Variants in CKAP5 observed in about 807,000 individuals in gnomAD.
CKAP5 encodes the protein cytoskeleton-associated protein 5.
Under a neutral mutation model 232.8 loss-of-function variants are expected in CKAP5, and 27 were observed. That is an observed-to-expected ratio of 0.12 (90% CI 0.09 to 0.16). The LOEUF is 0.16. Ranked by LOEUF, CKAP5 falls within the 10% of genes least tolerant of loss-of-function variation. The pLI, the probability that CKAP5 is intolerant of heterozygous loss-of-function variation, is 1.00. For synonymous variants in CKAP5, 785 were observed against 841.1 expected (o/e 0.93, Z 1.16); for missense variants, 1,838 against 2,424.7 (o/e 0.76, Z 5.08).
chr11:46,766,231 A>G (rs2065201630), intron 27 of CKAP5, among the ~76,000 whole-genome samples: 1 of 152,230 alleles, frequency 6.6e-6, no homozygotes, highest in Non-Finnish European at 1.5e-5. Flanking sequence ...ATTCAGACCA[A>G]ACAAATATGA....
At chr11:46,821,674 C>G (rs921312216) in intron 1 of CKAP5, among the ~76,000 whole-genome samples, 1 of 152,000 alleles carries the variant, frequency 6.6e-6, no homozygotes, top group Non-Finnish European at 1.5e-5. Context: ...CCACCCGCCT[C>G]GGCCTCCCAA....
rs560718952 is a variant in CKAP5, at chr11:46,752,290, T to C, written c.5133+345A>G. ...TATACATATATAATACATATATACA[T>C]ATATATAATACACATATATATAAAA... On this transcript the variant is annotated intron_variant, in intron 38 of 43. Coordinates refer to ENST00000529230, the MANE Select transcript of CKAP5 (RefSeq NM_001008938.4). Among the ~76,000 whole-genome samples, 3 of 146,738 alleles carry C rather than the reference T, an allele frequency of 2.0e-5. No individual in the cohort carries two copies. In the South Asian group the frequency reaches 6.4e-4, roughly 31 times the overall value.
At position 46,763,583 on chromosome 11, in the gene CKAP5, T is replaced by C. The variant is rs749537927; in HGVS notation, c.3585A>G (p.Gln1195=). 2.4e-5 allele frequency: 39 copies of C among 1,597,332 alleles called. No individual in the cohort carries two copies. Among genetic ancestry groups the C allele is most frequent in the African/African-American group, 1.4e-5 (1 of 73,986 alleles). The part of the protein sequence containing the change: ...FTTPRDEYIE[Q]LKTQMSSCVA... ...CACAGCTAGACATTTGAGTCTTTAG[T>C]TGCTCAATGTATTCATCCCGTGGGG... The change falls in exon 29 of 44, where the codon CAA becomes CAG. Residue 1195 remains glutamine, a synonymous_variant. Transcript: ENST00000529230.
intron 13 of CKAP5, among the ~76,000 whole-genome samples, chr11:46,792,552 C>CAAA (rs111528292): frequency 2.7e-5 from 4 of 147,578 alleles, no homozygotes; most frequent in Non-Finnish European, 3.0e-5. Context: ...GACTCTGTCT[C>CAAA]AAAAAAAAAC....
At chr11:46,758,767 T>C (rs2065131184) in intron 35 of CKAP5, 156 bp downstream of exon 35, 1 of 757,640 alleles carries the variant, frequency 1.3e-6, no homozygotes. Flanking sequence ...CTGAGGCAAG[T>C]GATGACTGAG....
At position 46,765,111 on chromosome 11, in the gene CKAP5, G is replaced by T; in HGVS notation, c.3537+20C>A. ...ACAATACAAGCAAAAATCTCCTGAC[G>T]ATTCTTAATCCTTCCTTACCTTCAA... On this transcript the variant is annotated intron_variant, in intron 28 of 43. Transcript: ENST00000529230. 6.3e-7 allele frequency: 1 copy of T among 1,596,094 alleles called. No individual in the cohort carries two copies. The highest frequency in any genetic ancestry group is 1.4e-5 in the African/African-American group (1 of 74,026).
At position 46,754,630 on chromosome 11, in the gene CKAP5, C is replaced by G. The variant is rs78273238; in HGVS notation, c.4869+258G>C. Among the ~76,000 whole-genome samples the G allele has an allele frequency of 6.6e-3, 1,003 of 152,296 alleles. 10 individuals carry two copies. Among genetic ancestry groups the G allele is most frequent in the African/African-American group, 0.023 (971 of 41,566 alleles). ...TTATCTGTGGAAAGGCAGCTATGGC[C>G]TACCATGCCTGATGAAGAAACTGGC... On this transcript the variant is annotated intron_variant, in intron 36 of 43. Transcript: ENST00000529230.
At chr11:46,752,193 TACACACACACAC>T (rs1156472710) in intron 38 of CKAP5, among the ~76,000 whole-genome samples, 1 of 66,572 alleles carries the variant, frequency 1.5e-5, no homozygotes, top group African/African-American at 5.1e-5. Flanking sequence ...TATATATATA[TACACACACACAC>T]ACACACACAC....
intron 1 of CKAP5, among the ~76,000 whole-genome samples, chr11:46,844,379 C>T (rs569196771): frequency 1.0e-3 from 153 of 152,230 alleles, no homozygotes; most frequent in African/African-American, 3.6e-3. Flanking sequence ...CATCTGTATG[C>T]TTTGTAGCAT....
intron 24 of CKAP5, among the ~76,000 whole-genome samples, chr11:46,773,491 C>T (rs924043707): frequency 6.6e-6 from 1 of 151,442 alleles, no homozygotes; most frequent in Non-Finnish European, 1.5e-5. Context: ...TCAGGTGATC[C>T]ACCCACCGTG....
At chr11:46,780,589 T>A in intron 18 of CKAP5, 104 bp from the exon 19 acceptor site, 1 of 796,258 alleles carries the variant, frequency 1.3e-6, no homozygotes, top group Non-Finnish European at 2.1e-6. Context: ...TTGGCAAAGT[T>A]CTCACTTTTT....
At chr11:46,802,557 GAC>G (rs1254439046) in intron 8 of CKAP5, among the ~76,000 whole-genome samples, 4 of 147,448 alleles carry the variant, frequency 2.7e-5, no homozygotes, top group African/African-American at 5.0e-5. Context: ...CAGACAGACA[GAC>G]ACACACACAC....
chr11:46,800,085 CAATAT>C (rs1029645076), intron 9 of CKAP5, among the ~76,000 whole-genome samples: 2 of 151,656 alleles, frequency 1.3e-5, no homozygotes, highest in Non-Finnish European at 2.9e-5. Context: ...AAATTATTCC[CAATAT>C]AAAAGTGTAA....
intron 18 of CKAP5, among the ~76,000 whole-genome samples, chr11:46,782,440 G>C (rs1480282944): frequency 1.3e-5 from 2 of 152,098 alleles, no homozygotes; most frequent in African/African-American, 4.8e-5. Context: ...AACTATGGGC[G>C]AACACCACAG....
chr11:46,790,235 G>C, intron 14 of CKAP5, 49 bp from the exon 15 acceptor site: 1 of 1,308,436 alleles, frequency 7.6e-7, no homozygotes, highest in Non-Finnish European at 1.1e-6. Flanking sequence ...TAAGGGAACA[G>C]ATGACAAGAA....
chr11:46,762,060 G>C lies in CKAP5; in HGVS notation c.4161C>G (p.Leu1387=). 6.2e-7 allele frequency: 1 copy of C among 1,614,086 alleles called. No individual in the cohort carries two copies. The highest frequency in any genetic ancestry group is 8.5e-7 in the Non-Finnish European group (1 of 1,179,944). ...CATTGTACACCGTTACAATGGTGTT[G>C]AGTGCAGCATTGCGTACAGCATTGT... ...DRDNAVRNAA[L]NTIVTVYNVH... Residue 1387 remains leucine, a synonymous_variant, in exon 32 of 44, where the codon CTC becomes CTG. Transcript: ENST00000529230.
intron 7 of CKAP5, 87 bp downstream of exon 7, chr11:46,809,313 T>A: frequency 1.2e-6 from 1 of 850,276 alleles, no homozygotes; most frequent in Admixed American, 2.5e-5. Flanking sequence ...AGGGGGTGCA[T>A]CAGGCAAGGG....
In CKAP5 at chr11:46,780,232, G is replaced by A. The variant is rs1488726093; in HGVS notation, c.2395C>T (p.Pro799Ser). The part of the protein sequence containing the change: ...SLRMFFEDEK[P>S]ALLSQIDAEF... ...GCATCTATCTGGGATAGGAGGGCAGGCTTCTCATCCTCAAAGAACATTCGC... is the reference window on the plus strand; with the variant it reads ...GCATCTATCTGGGATAGGAGGGCAGACTTCTCATCCTCAAAGAACATTCGC... Residue 799 changes from proline to serine, a missense_variant, in exon 20 of 44, where the codon CCT becomes TCT. Transcript: ENST00000529230. The A allele has an allele frequency of 3.7e-6, 6 of 1,613,874 alleles. No individual in the cohort carries two copies. In the Admixed American group the frequency reaches 1.0e-4, roughly 27 times the overall value.
intron 35 of CKAP5, among the ~76,000 whole-genome samples, chr11:46,756,729 G>GT (rs2065112977): frequency 6.7e-6 from 1 of 149,088 alleles, no homozygotes; most frequent in African/African-American, 2.5e-5. Context: ...GTTCTTCAGT[G>GT]TTTCCTTGAC....
Sources: allele counts gnomAD v4.1 joint callset (sites outside exome capture counted in the v4.1 genomes callset), GRCh38; gene constraint gnomAD v4.1.1; transcripts MANE v1.5; gene names NCBI Gene and HGNC (gene_info 2026-07-23, HGNC 2026-07-21).